Variants in PDE4B observed in about 807,000 individuals in gnomAD.
The protein encoded by PDE4B is 3',5'-cyclic-AMP phosphodiesterase 4B.
PDE4B carries 20 observed loss-of-function variants against 82.2 expected under a neutral mutation model. The ratio of observed to expected loss-of-function variants is 0.24; its 90% confidence interval spans 0.17 to 0.35. The LOEUF is 0.35. Ranked by LOEUF, PDE4B falls within the 10% of genes least tolerant of loss-of-function variation. The probability of loss-of-function intolerance (pLI) is 1.00; values close to 1 mark genes in which losing one functional copy is unlikely to be tolerated. For synonymous variants in PDE4B, 320 were observed against 318.9 expected, an observed-to-expected ratio of 1.00 and a Z score of -0.04; for missense variants, 655 against 907.2, an observed-to-expected ratio of 0.72 and a Z score of 3.57.
At chr1:66,275,635 T>TC (rs2101762525) in intron 7 of PDE4B, among the ~76,000 whole-genome samples, 1 of 152,250 alleles carries the variant, frequency 6.6e-6, no homozygotes, top group Non-Finnish European at 1.5e-5. Flanking sequence ...GCCTCCTGCT[T>TC]CCCCAAGTGG....
At chr1:66,309,527 C>T (rs1658521821) in intron 7 of PDE4B, among the ~76,000 whole-genome samples, 1 of 152,172 alleles carries the variant, frequency 6.6e-6, no homozygotes, top group South Asian at 2.1e-4. Context: ...TTCAGTTGCT[C>T]ATTGCAGGTC....
intron 1 of PDE4B, among the ~76,000 whole-genome samples, chr1:65,875,607 A>T (rs1646630565): frequency 6.8e-6 from 1 of 147,342 alleles, no homozygotes; most frequent in Non-Finnish European, 1.5e-5. Flanking sequence ...TACACCATGG[A>T]ATACTATGCA....
At chr1:66,225,164 A>G (rs1651342915) in intron 3 of PDE4B, among the ~76,000 whole-genome samples, 1 of 152,102 alleles carries the variant, frequency 6.6e-6, no homozygotes, top group South Asian at 2.1e-4. Flanking sequence ...AGAAGCCTAC[A>G]TGGGCTCTGC....
intron 3 of PDE4B, among the ~76,000 whole-genome samples, chr1:66,235,069 T>G (rs906638988): frequency 6.6e-6 from 1 of 152,210 alleles, no homozygotes; most frequent in African/African-American, 2.4e-5. Flanking sequence ...ACCAAAAATC[T>G]TTCTGGTTTT....
intron 3 of PDE4B, among the ~76,000 whole-genome samples, chr1:66,172,596 C>A (rs1465878513): frequency 2.0e-5 from 3 of 152,192 alleles, no homozygotes; most frequent in Non-Finnish European, 4.4e-5. Flanking sequence ...CTTTTCTCTG[C>A]AGCCTCATCA....
chr1:65,838,754 C>G (rs1057458963), intron 1 of PDE4B, among the ~76,000 whole-genome samples: 2 of 151,596 alleles, frequency 1.3e-5, no homozygotes, highest in Non-Finnish European at 2.9e-5. Context: ...ACTCTAATAG[C>G]ATTCCTTTAC....
At chr1:66,257,424 A>G in intron 4 of PDE4B, 1 of 743,064 alleles carries the variant, frequency 1.3e-6, no homozygotes, top group Non-Finnish European at 2.5e-6. Context: ...TTTTATGTGT[A>G]GTCACTGTAA....
At chr1:65,805,079 C>T (rs969803603) in intron 1 of PDE4B, among the ~76,000 whole-genome samples, 3 of 151,950 alleles carry the variant, frequency 2.0e-5, no homozygotes, top group African/African-American at 7.3e-5. Context: ...ATTCTCCAGC[C>T]TCAGCCTCCC....
At position 66,024,668 on chromosome 1, in the gene PDE4B, A is replaced by G. The variant is rs190742350; in HGVS notation, c.281+105833A>G. 1.1e-4 allele frequency among the ~76,000 whole-genome samples: 16 copies of G among 152,276 alleles called. No homozygotes were observed. The East Asian group carries it at 2.1e-3, about 20-fold the overall frequency. Reference sequence around the variant, plus strand: ...AAACATGGATATAATACTGTCTTCTATGAGAAGGCAGATTCTTAATACATT... The same window carrying G: ...AAACATGGATATAATACTGTCTTCTGTGAGAAGGCAGATTCTTAATACATT... On this transcript the variant is annotated intron_variant, in intron 3 of 16. Coordinates refer to ENST00000341517, the MANE Select transcript of PDE4B (RefSeq NM_002600.4).
At chr1:66,056,014 A>C (rs1417421545) in intron 3 of PDE4B, among the ~76,000 whole-genome samples, 1 of 152,176 alleles carries the variant, frequency 6.6e-6, no homozygotes, top group Non-Finnish European at 1.5e-5. Context: ...AACAAAATTT[A>C]TATTTTTCCC....
At chr1:66,361,126 A>T (rs140864695) in intron 9 of PDE4B, among the ~76,000 whole-genome samples, 8 of 152,178 alleles carry the variant, frequency 5.3e-5, no homozygotes, top group African/African-American at 1.2e-4. Context: ...GGATTTTTAA[A>T]TTTTTTTTAA....
chr1:66,054,981 A>G (rs1655223373), intron 3 of PDE4B, among the ~76,000 whole-genome samples: 1 of 152,190 alleles, frequency 6.6e-6, no homozygotes. Context: ...GTTGTCATGG[A>G]CACCTTTATA....
chr1:65,931,297 C>T (rs1028767953), intron 3 of PDE4B, among the ~76,000 whole-genome samples: 1 of 152,162 alleles, frequency 6.6e-6, no homozygotes, highest in African/African-American at 2.4e-5. Flanking sequence ...TTATAAATTA[C>T]CCAGTCTTGG....
chr1:65,822,378 CTTTACA>C (rs1645963112), intron 1 of PDE4B, among the ~76,000 whole-genome samples: 1 of 152,054 alleles, frequency 6.6e-6, no homozygotes, highest in South Asian at 2.1e-4. Flanking sequence ...CTGTCTTAAA[CTTTACA>C]TTTACATTTT....
At chr1:65,956,243 T>C (rs1307056084) in intron 3 of PDE4B, among the ~76,000 whole-genome samples, 1 of 152,128 alleles carries the variant, frequency 6.6e-6, no homozygotes, top group Non-Finnish European at 1.5e-5. Flanking sequence ...TTTGGGAAAG[T>C]CTTAATTCAG....
chr1:65,880,852 G>A (rs1243391133), intron 1 of PDE4B, among the ~76,000 whole-genome samples: 1 of 152,174 alleles, frequency 6.6e-6, no homozygotes, highest in Non-Finnish European at 1.5e-5. Context: ...AATAGAAGAA[G>A]CCAGGGAAAA....
At chr1:66,204,492 C>T (rs1649363114) in intron 3 of PDE4B, among the ~76,000 whole-genome samples, 1 of 152,260 alleles carries the variant, frequency 6.6e-6, no homozygotes, top group Non-Finnish European at 1.5e-5. Flanking sequence ...GTGGTGGGCT[C>T]CACCCAGTTT....
chr1:65,937,935 C>G (rs1426901079), intron 3 of PDE4B, among the ~76,000 whole-genome samples: 3 of 152,044 alleles, frequency 2.0e-5, no homozygotes, highest in Non-Finnish European at 4.4e-5. Flanking sequence ...CATTCTGTCC[C>G]CTACTTTATT....
chr1:65,900,136 A>G (rs1646955926), intron 1 of PDE4B, among the ~76,000 whole-genome samples: 2 of 152,124 alleles, frequency 1.3e-5, no homozygotes, highest in Admixed American at 1.3e-4. Context: ...AAATTTTTGT[A>G]TGTGATGAAA....
Sources: gnomAD v4.1 joint callset for allele counts (sites outside exome capture counted in the v4.1 genomes callset) on GRCh38, gnomAD v4.1.1 for gene constraint, MANE v1.5 for transcripts, NCBI Gene and HGNC (gene_info 2026-07-23, HGNC 2026-07-21) for gene names.